CHURC1: variants seen among roughly 807,000 people sequenced by gnomAD.
The protein encoded by CHURC1 is churchill domain containing 1, also known as protein Churchill.
Under a neutral mutation model 15.4 loss-of-function variants are expected in CHURC1, and 12 were observed. That is an observed-to-expected ratio of 0.78 (90% CI 0.50 to 1.27). The LOEUF (loss-of-function observed/expected upper bound fraction) is 1.27. CHURC1 is among the 50% of genes most tolerant of loss of function. The probability of loss-of-function intolerance (pLI) is 0.00; values close to 1 mark genes in which losing one functional copy is unlikely to be tolerated. For synonymous variants in CHURC1, 42 were observed against 47.5 expected, an observed-to-expected ratio of 0.88 and a Z score of 0.48; for missense variants, 132 against 137.8, an observed-to-expected ratio of 0.96 and a Z score of 0.21.
intron 3 of CHURC1, among the ~76,000 whole-genome samples, chr14:64,929,966 G>T (rs1283860755): frequency 1.3e-5 from 2 of 150,884 alleles, no homozygotes; most frequent in Admixed American, 6.6e-5. Context: ...CACCAAAATT[G>T]TGTGTTTACT....
Position 64,932,125 on chromosome 14 carries a change from T to A in CHURC1, c.247-13T>A. ...TGTTCCTCTAGGTAATTATGCACTT[T>A]ATCTTGTTCTAGGAGTATACCATGC... On this transcript the variant is annotated splice_polypyrimidine_tract_variant and intron_variant, in intron 3 of 3. Transcript: ENST00000549115. 1.2e-6 allele frequency: 2 copies of A among 1,609,944 alleles called. No individual in the cohort carries two copies. The highest frequency in any genetic ancestry group is 1.7e-6 in the Non-Finnish European group (2 of 1,177,310).
chr14:64,918,943 G>A (rs1444899369), intron 1 of CHURC1, among the ~76,000 whole-genome samples: 1 of 152,184 alleles, frequency 6.6e-6, no homozygotes, highest in Non-Finnish European at 1.5e-5. Flanking sequence ...TTGGAGTTTT[G>A]TCATTTATTT....
chr14:64,914,618 C>T (rs1489686644), intron 1 of CHURC1, 84 bp downstream of exon 1: 4 of 1,595,690 alleles, frequency 2.5e-6, no homozygotes, highest in Non-Finnish European at 2.6e-6. Context: ...AGAGGCCGTA[C>T]GTGGGGCGGA....
rs1424856823 is a variant in CHURC1 at position 64,934,401 on chromosome 14, T to C, written c.*2171T>C. On this transcript the variant is annotated 3_prime_UTR_variant, in exon 4 of 4. Coordinates refer to ENST00000549115, the MANE Select transcript of CHURC1 (RefSeq NM_001386928.1). ...AAAAAAAGAAGTTAAATAACTTGTT[T>C]AAGATCACACAGCTAGTGCAGTTAC... is the stretch of plus-strand genomic sequence containing the variant. The C allele has an allele frequency of 1.0e-6, 1 of 979,514 alleles. No homozygotes were observed. Among genetic ancestry groups the C allele is most frequent in the Non-Finnish European group, 1.2e-6 (1 of 824,696 alleles). The allele number at this position is 979,514 out of a possible 1,614,324, so 60.7% of individuals were successfully genotyped here.
chr14:64,923,706 T>C (rs1884478305), intron 1 of CHURC1, among the ~76,000 whole-genome samples: 1 of 151,946 alleles, frequency 6.6e-6, no homozygotes, highest in Admixed American at 6.6e-5. Flanking sequence ...TGTTTCTAAA[T>C]ATCTATTTTC....
chr14:64,928,851 G>C (rs894055672), intron 3 of CHURC1, among the ~76,000 whole-genome samples: 5 of 151,916 alleles, frequency 3.3e-5, no homozygotes, highest in African/African-American at 1.2e-4. Flanking sequence ...CTGTTTTCTC[G>C]AAGTGATACT....
At chr14:64,926,707 A>G (rs1173141101) in intron 3 of CHURC1, among the ~76,000 whole-genome samples, 2 of 152,208 alleles carry the variant, frequency 1.3e-5, no homozygotes, top group South Asian at 2.1e-4. Context: ...AAGACATTAT[A>G]GTATTGTTAA....
Position 64,934,340 on chromosome 14 carries a change from T to C in CHURC1, c.*2110T>C. The C allele has an allele frequency of 1.3e-6, 1 of 791,632 alleles. No homozygotes were observed. The highest frequency in any genetic ancestry group is 5.7e-5 in the South Asian group (1 of 17,420). The allele number at this position is 791,632 out of a possible 1,614,324, so 49.0% of individuals were successfully genotyped here. A position where few individuals can be genotyped will look rare whatever the true frequency, so the allele number is the denominator to read the frequency against. On this transcript the variant is annotated 3_prime_UTR_variant, in exon 4 of 4. Transcript: ENST00000549115. ...TCCAGCCTGGGAGACAGAGCAAGAC[T>C]CCATCTCAAAAACAAAAACAAAACA...
At chr14:64,916,383 T>A (rs928125282) in intron 1 of CHURC1, among the ~76,000 whole-genome samples, 8 of 152,178 alleles carry the variant, frequency 5.3e-5, no homozygotes, top group African/African-American at 1.4e-4. Context: ...TGGGTGGTGG[T>A]TCTACAGATG....
intron 1 of CHURC1, among the ~76,000 whole-genome samples, chr14:64,921,993 C>T (rs4899153): frequency 0.26 from 40,218 of 151,976 alleles, 6,089 homozygotes; most frequent in African/African-American, 0.41. Context: ...GGCATTATAT[C>T]GAGCAAGGAA....
At chr14:64,914,810 C>T (rs968269640) in intron 1 of CHURC1, among the ~76,000 whole-genome samples, 23 of 152,216 alleles carry the variant, frequency 1.5e-4, no homozygotes, top group Non-Finnish European at 4.4e-5. Context: ...CGTCGACAAC[C>T]GAGGGACTCC....
At position 64,927,461 on chromosome 14, in the gene CHURC1, T is replaced by C. The variant is rs182782296; in HGVS notation, c.246+1381T>C. Among the ~76,000 whole-genome samples, 127 of 152,294 alleles carry C rather than the reference T, an allele frequency of 8.3e-4. 3 individuals carry two copies. In the South Asian group the frequency reaches 0.02, roughly 24 times the overall value. Reference sequence around the variant, plus strand: ...ACACTCCTGAATTTCACGTGAGTTATGTACAGCTCCTGAACGGATATTGAG... The same window carrying C: ...ACACTCCTGAATTTCACGTGAGTTACGTACAGCTCCTGAACGGATATTGAG... On this transcript the variant is annotated intron_variant, in intron 3 of 3. Transcript: ENST00000549115.
intron 3 of CHURC1, among the ~76,000 whole-genome samples, chr14:64,926,801 G>C (rs1312487147): frequency 6.6e-6 from 1 of 152,204 alleles, no homozygotes; most frequent in Non-Finnish European, 1.5e-5. Flanking sequence ...TTTATCATAA[G>C]GATTAATCCT....
Position 64,932,331 on chromosome 14 carries a change from A to G in CHURC1, c.*101A>G. On this transcript the variant is annotated 3_prime_UTR_variant, in exon 4 of 4. Transcript: ENST00000549115. ...CATTCATACTGAAAATTCTTTGCAT[A>G]TTTTTTTTCTGCTTAGACTTACTTA... is the stretch of plus-strand genomic sequence containing the variant. 1 of 1,524,152 alleles carries G rather than the reference A, an allele frequency of 6.6e-7. No individual in the cohort carries two copies. Among genetic ancestry groups the G allele is most frequent in the Non-Finnish European group, 8.8e-7 (1 of 1,132,658 alleles). The allele number at this position is 1,524,152 out of a possible 1,614,324, so 94.4% of individuals were successfully genotyped here.
chr14:64,923,121 AATT>A (rs1479647301), intron 1 of CHURC1, among the ~76,000 whole-genome samples: 1 of 152,068 alleles, frequency 6.6e-6, no homozygotes, highest in African/African-American at 2.4e-5. Flanking sequence ...TTTAATTATT[AATT>A]ATTAGCCTTT....
At chr14:64,922,572 C>T (rs1298634605) in intron 1 of CHURC1, among the ~76,000 whole-genome samples, 6 of 110,598 alleles carry the variant, frequency 5.4e-5, no homozygotes, top group African/African-American at 2.4e-4. Flanking sequence ...AGCGAGACTC[C>T]GTCTCAAAAA....
At chr14:64,914,594 G>A (rs1424185021) in intron 1 of CHURC1, 60 bp downstream of exon 1, 2 of 1,608,978 alleles carry the variant, frequency 1.2e-6, no homozygotes, top group Non-Finnish European at 1.7e-6. Context: ...CATATCCAAG[G>A]CTGGCCTTCC....
Position 64,934,372 on chromosome 14 carries a change from C to G in CHURC1, c.*2142C>G. 5 of 945,036 alleles carry G rather than the reference C, an allele frequency of 5.3e-6. No individual in the cohort carries two copies. The highest frequency in any genetic ancestry group is 6.3e-6 in the Non-Finnish European group (5 of 793,424). The allele number at this position is 945,036 out of a possible 1,614,324, so 58.5% of individuals were successfully genotyped here. On this transcript the variant is annotated 3_prime_UTR_variant, in exon 4 of 4. Transcript: ENST00000549115. ...CAAAAACAAAAACAAAACAAAACAA[C>G]AACAAAAAAAGAAGTTAAATAACTT...
At chr14:64,915,192 G>T (rs774968592) in intron 1 of CHURC1, among the ~76,000 whole-genome samples, 5 of 152,324 alleles carry the variant, frequency 3.3e-5, no homozygotes, top group Admixed American at 1.3e-4. Flanking sequence ...TTGAGACAGG[G>T]TGCTGCTGTT....
Sources: gnomAD v4.1 joint callset for allele counts (sites outside exome capture counted in the v4.1 genomes callset) on GRCh38, gnomAD v4.1.1 for gene constraint, MANE v1.5 for transcripts, NCBI Gene and HGNC (gene_info 2026-07-23, HGNC 2026-07-21) for gene names.